Variants in SMIM14 observed in about 807,000 individuals in gnomAD.
The protein encoded by SMIM14 is small integral membrane protein 14, also known as chromosome 4 open reading frame 34.
SMIM14 carries 5 observed loss-of-function variants against 12.6 expected under a neutral mutation model. The ratio of observed to expected loss-of-function variants is 0.40; its 90% CI spans 0.21 to 0.83. The LOEUF is 0.83. Among genes scored for constraint, SMIM14 ranks in the 40% least tolerant of loss-of-function variants. The pLI is 0.37. For missense variants in SMIM14, 86 were observed against 119.1 expected (o/e 0.72, Z 1.29); for synonymous variants, 30 against 40.1 (o/e 0.75, Z 0.95).
intron 3 of SMIM14, 138 bp from the exon 4 acceptor site, chr4:39,556,708 T>G: frequency 1.2e-6 from 1 of 806,186 alleles, no homozygotes; most frequent in Non-Finnish European, 1.8e-6. Flanking sequence ...ATATTATATC[T>G]TCAATTTCCC....
chr4:39,555,623 A>T (rs896392552), intron 4 of SMIM14, among the ~76,000 whole-genome samples: 3 of 152,220 alleles, frequency 2.0e-5, no homozygotes, highest in African/African-American at 7.2e-5. Flanking sequence ...AATGGTTGTA[A>T]TCATGACTAT....
Position 39,546,842 on chromosome 4 carries a change from A to G in SMIM14, c.*5284T>C, listed in dbSNP as rs946774839. 3 of 152,252 alleles carry G rather than the reference A, an allele frequency of 2.0e-5. No homozygotes were observed. Among genetic ancestry groups the G allele is most frequent in the African/African-American group, 4.8e-5 (2 of 41,462 alleles). 9.4% of individuals were successfully genotyped at this position (152,252 alleles called of 1,614,324 possible). On this transcript the variant is annotated 3_prime_UTR_variant, in exon 5 of 5. Coordinates refer to ENST00000295958, the MANE Select transcript of SMIM14 (RefSeq NM_174921.3). ...GCCAGAGCAGTGTTACTATTTTTAC[A>G]TGTATATGAGTATTCATGACCTTTA...
At chr4:39,590,122 C>T (rs977310247) in intron 2 of SMIM14, among the ~76,000 whole-genome samples, 3 of 146,100 alleles carry the variant, frequency 2.1e-5, no homozygotes, top group Admixed American at 6.9e-5. Flanking sequence ...CAACTTAAAA[C>T]AATAATTTAT....
chr4:39,565,624 A>T (rs1712531810), intron 3 of SMIM14, among the ~76,000 whole-genome samples: 1 of 152,196 alleles, frequency 6.6e-6, no homozygotes, highest in Non-Finnish European at 1.5e-5. Context: ...CCCAGACACC[A>T]CTGAAGAGTT....
intron 2 of SMIM14, among the ~76,000 whole-genome samples, chr4:39,580,601 ACTGCAACCT>A (rs1178271445): frequency 6.6e-6 from 1 of 151,696 alleles, no homozygotes; most frequent in Non-Finnish European, 1.5e-5. Flanking sequence ...ATCTTGGCTT[ACTGCAACCT>A]CTGCCTCCCA....
chr4:39,554,911 C>T (rs1215277310), intron 4 of SMIM14, among the ~76,000 whole-genome samples: 2 of 147,904 alleles, frequency 1.4e-5, no homozygotes, highest in African/African-American at 5.0e-5. Flanking sequence ...TCTTGGCTCA[C>T]TGCAACCTCC....
At chr4:39,596,724 T>C (rs1714382541) in intron 2 of SMIM14, among the ~76,000 whole-genome samples, 1 of 152,232 alleles carries the variant, frequency 6.6e-6, no homozygotes, top group Admixed American at 6.5e-5. Context: ...AAGTCTTCGT[T>C]ATGGCACTCA....
chr4:39,602,246 CAA>C (rs11300312), intron 2 of SMIM14, among the ~76,000 whole-genome samples: 60 of 122,324 alleles, frequency 4.9e-4, no homozygotes, highest in Non-Finnish European at 4.9e-4. Context: ...AGTCATGTCT[CAA>C]AAAAAAAAAA....
At chr4:39,564,013 C>G (rs141990927) in intron 3 of SMIM14, among the ~76,000 whole-genome samples, 11 of 152,036 alleles carry the variant, frequency 7.2e-5, no homozygotes, top group Non-Finnish European at 1.6e-4. Flanking sequence ...CTGCAACCTC[C>G]GCCTCCCAGT....
intron 2 of SMIM14, among the ~76,000 whole-genome samples, chr4:39,596,785 T>C (rs573019514): frequency 1.3e-5 from 2 of 152,254 alleles, no homozygotes; most frequent in South Asian, 4.2e-4. Flanking sequence ...ATTCTCTTTG[T>C]ATTTCTAATA....
At chr4:39,582,038 G>T (rs1165375547) in intron 2 of SMIM14, among the ~76,000 whole-genome samples, 5 of 151,644 alleles carry the variant, frequency 3.3e-5, no homozygotes, top group Admixed American at 3.3e-4. Flanking sequence ...CAGCCAGCTA[G>T]TTTTGTGTTT....
At chr4:39,556,389 T>C in intron 4 of SMIM14, 39 bp downstream of exon 4, 1 of 1,586,450 alleles carries the variant, frequency 6.3e-7, no homozygotes, top group East Asian at 2.2e-5. Flanking sequence ...CCACATACAT[T>C]CCCTTACCCA....
In SMIM14 at chr4:39,619,867, T is replaced by TAA. The variant is rs1170895954; in HGVS notation, c.-35-14688_-35-14687insTT. Among the ~76,000 whole-genome samples the TAA allele has an allele frequency of 6.1e-4, 44 of 72,372 alleles. 1 individual carries two copies. In the East Asian group the frequency reaches 0.018, roughly 30 times the overall value. The allele number at this position is 72,372 out of a possible 152,430, so 47.5% of individuals were successfully genotyped here. ...ATATATATTTATATATATTTATATATATATATATATTTTTTTTTTTTTAAG... is the reference window on the plus strand; with the variant it reads ...ATATATATTTATATATATTTATATATAAATATATATATTTTTTTTTTTTTAAG... On this transcript the variant is annotated intron_variant, in intron 1 of 4. Transcript: ENST00000295958.
rs1218602847 is a variant in SMIM14 at position 39,619,790 on chromosome 4, TTA to T, written c.-35-14612_-35-14611del. On this transcript the variant is annotated intron_variant, in intron 1 of 4. Transcript: ENST00000295958. ...TCAATAAATAATTTATTATATATAT[TTA>T]TATATATCTCAATTTTCTCAAAAAT... 1.2e-3 allele frequency among the ~76,000 whole-genome samples: 165 copies of T among 139,016 alleles called. 1 individual carries two copies. Among genetic ancestry groups the T allele is most frequent in the Middle Eastern group, 0.012 (3 of 256 alleles). The allele number at this position is 139,016 out of a possible 152,430, so 91.2% of individuals were successfully genotyped here.
intron 2 of SMIM14, 151 bp downstream of exon 2, chr4:39,604,920 T>A (rs1194761129): frequency 3.4e-6 from 2 of 593,990 alleles, no homozygotes; most frequent in Admixed American, 3.7e-5. Context: ...CACATTTTAA[T>A]CATTACAACT....
At chr4:39,553,470 TAAGA>T (rs1711840858) in intron 4 of SMIM14, among the ~76,000 whole-genome samples, 1 of 152,088 alleles carries the variant, frequency 6.6e-6, no homozygotes, top group Non-Finnish European at 1.5e-5. Context: ...ACAAAGAAAG[TAAGA>T]AAGAAGGCTA....
In SMIM14 at chr4:39,551,419, G is replaced by T. The variant is rs1299501818; in HGVS notation, c.*707C>A. ...TCATATAATGGACTGTAAATCATCT[G>T]CCATATTGATCAATCATGTTTATTT... On this transcript the variant is annotated 3_prime_UTR_variant, in exon 5 of 5. Coordinates refer to ENST00000295958, the MANE Select transcript of SMIM14 (RefSeq NM_174921.3). 2 of 152,564 alleles carry T rather than the reference G, an allele frequency of 1.3e-5. No homozygotes were observed. The highest frequency in any genetic ancestry group is 3.8e-4 in the East Asian group (2 of 5,196). 9.5% of individuals were successfully genotyped at this position (152,564 alleles called of 1,614,324 possible).
intron 1 of SMIM14, among the ~76,000 whole-genome samples, chr4:39,614,847 G>C (rs547742836): frequency 1.1e-4 from 16 of 152,232 alleles, no homozygotes; most frequent in African/African-American, 3.9e-4. Flanking sequence ...TGAATGTTGG[G>C]AAGGCAAAAA....
intron 1 of SMIM14, among the ~76,000 whole-genome samples, chr4:39,609,431 G>A (rs1194623327): frequency 6.6e-6 from 1 of 152,192 alleles, no homozygotes; most frequent in Non-Finnish European, 1.5e-5. Flanking sequence ...ACTAGAAGTT[G>A]AGAGTGAAGG....
Sources: allele counts gnomAD v4.1 joint callset (sites outside exome capture counted in the v4.1 genomes callset), GRCh38; gene constraint gnomAD v4.1.1; transcripts MANE v1.5; gene names NCBI Gene and HGNC (gene_info 2026-07-23, HGNC 2026-07-21).